PIK3AP1: variants seen among roughly 807,000 people sequenced by gnomAD.
PIK3AP1 encodes phosphoinositide-3-kinase adaptor protein 1.
In PIK3AP1, 21 loss-of-function variants were observed where a neutral mutation model predicts 88.1. The observed-to-expected ratio is 0.24, with a 90% CI of 0.17 to 0.34. The LOEUF is 0.34. Among genes scored for constraint, PIK3AP1 ranks in the 10% least tolerant of loss-of-function variants. The pLI is 1.00. For synonymous variants in PIK3AP1, 398 were observed against 400.0 expected (o/e 1.00, Z 0.06); for missense variants, 828 against 1,035.7 (o/e 0.80, Z 2.75).
intron 11 of PIK3AP1, among the ~76,000 whole-genome samples, 175 bp downstream of exon 11, chr10:96,623,297 G>A (rs547324655): frequency 4.6e-5 from 7 of 152,052 alleles, no homozygotes; most frequent in East Asian, 1.9e-4. Flanking sequence ...TCCTGGCCTC[G>A]AGTGATTCAC....
chr10:96,617,771 C>T (rs1287697510), intron 12 of PIK3AP1, among the ~76,000 whole-genome samples: 1 of 152,160 alleles, frequency 6.6e-6, no homozygotes, highest in Non-Finnish European at 1.5e-5. Flanking sequence ...GAGGTCTGAT[C>T]TCCCTCTCCT....
chr10:96,625,120 A>G lies in PIK3AP1; in HGVS notation c.1670-1583T>C, dbSNP rs566977559. On this transcript the variant is annotated intron_variant, in intron 10 of 16. Coordinates refer to ENST00000339364, the MANE Select transcript of PIK3AP1 (RefSeq NM_152309.3). ...GGCAACCTAGGAATGACTAGAACAC[A>G]ATGTAGAATGCGCAACTAAGAATTC... 2.6e-5 allele frequency among the ~76,000 whole-genome samples: 4 copies of G among 152,344 alleles called. No individual in the cohort carries two copies. The East Asian group carries it at 7.7e-4, about 29-fold the overall frequency.
At chr10:96,684,705 G>GTACCTTCCAAATGGT (rs1397392363) in intron 2 of PIK3AP1, among the ~76,000 whole-genome samples, 2 of 152,280 alleles carry the variant, frequency 1.3e-5, no homozygotes, top group East Asian at 3.9e-4. Context: ...GACAGAATGG[G>GTACCTTCCAAATGGT]TACCTTCCAA....
chr10:96,686,450 C>G (rs537510574), intron 2 of PIK3AP1, among the ~76,000 whole-genome samples: 92 of 152,164 alleles, frequency 6.0e-4, no homozygotes, highest in African/African-American at 2.1e-3. Flanking sequence ...GTGGATGTAC[C>G]GCAAATGAGC....
At chr10:96,682,013 TAGAGAGAGAG>T (rs55857679) in intron 2 of PIK3AP1, among the ~76,000 whole-genome samples, 1 of 108,500 alleles carries the variant, frequency 9.2e-6, no homozygotes, top group Non-Finnish European at 2.0e-5. Context: ...TATATATATA[TAGAGAGAGAG>T]AGAGAGAGAG....
intron 2 of PIK3AP1, among the ~76,000 whole-genome samples, chr10:96,675,727 A>G (rs60587855): frequency 0.12 from 17,866 of 152,188 alleles, 1,806 homozygotes; most frequent in African/African-American, 0.25. Flanking sequence ...CCTACCTCTC[A>G]GGACTGTTAT....
Position 96,657,838 on chromosome 10 carries a change from C to T in PIK3AP1, c.431-904G>A, listed in dbSNP as rs573800971. On this transcript the variant is annotated intron_variant, in intron 2 of 16. Coordinates refer to ENST00000339364, the MANE Select transcript of PIK3AP1 (RefSeq NM_152309.3). The stretch of plus-strand genomic sequence containing the variant: ...CAGCACTTTGGGAGGCCAAGGAAGG[C>T]GGATCACCTGAGGTCAGGAGTTTGA... 1.3e-3 allele frequency among the ~76,000 whole-genome samples: 205 copies of T among 152,066 alleles called. 1 individual carries two copies. Among genetic ancestry groups the T allele is most frequent in the Admixed American group, 4.3e-3 (65 of 15,286 alleles).
In PIK3AP1 at chr10:96,628,279, A is replaced by T. The variant is rs6584090; in HGVS notation, c.1471+119T>A. On this transcript the variant is annotated intron_variant, in intron 9 of 16. Transcript: ENST00000339364. ...GGCAGAGTGCCTTTATTCACATCAC[A>T]TGCCATGTATGCAGCAGCCCATTCC... 5.4e-3 allele frequency: 4,671 copies of T among 870,502 alleles called. 119 individuals are homozygous for T. In the African/African-American group the frequency reaches 0.06, roughly 11 times the overall value. The allele number at this position is 870,502 out of a possible 1,614,324, so 53.9% of individuals were successfully genotyped here.
chr10:96,622,127 G>T (rs1033753362), intron 11 of PIK3AP1, among the ~76,000 whole-genome samples: 1 of 152,232 alleles, frequency 6.6e-6, no homozygotes, highest in African/African-American at 2.4e-5. Context: ...AATGCCCCAG[G>T]AGACTGGAAC....
In PIK3AP1 at chr10:96,709,687, C is replaced by G; in HGVS notation, c.310G>C (p.Gly104Arg). Reference protein sequence around the residue: ...PPHRVVRLLCGVRDSEEFLDF... With the variant: ...PPHRVVRLLCRVRDSEEFLDF... The stretch of plus-strand genomic sequence containing the variant: ...AGGAACTCCTCGCTGTCCCGCACGC[C>G]GCAGAGCAGCCTGACCACGCGGTGC... The change falls in exon 2 of 17, where the codon GGC (glycine) becomes CGC (arginine). Residue 104 changes from glycine (G) to arginine (R), a missense_variant. Transcript: ENST00000339364. 6.2e-7 allele frequency: 1 copy of G among 1,614,244 alleles called. No homozygotes were observed. Among genetic ancestry groups the G allele is most frequent in the Non-Finnish European group, 8.5e-7 (1 of 1,180,048 alleles).
chr10:96,632,358 AGAACTCT>A (rs1022839346), intron 8 of PIK3AP1, among the ~76,000 whole-genome samples: 3 of 152,194 alleles, frequency 2.0e-5, no homozygotes. Flanking sequence ...AAGGTATGTA[AGAACTCT>A]GATGTTTTTG....
chr10:96,638,471 GACACAC>G (rs60796576), intron 8 of PIK3AP1, among the ~76,000 whole-genome samples: 24 of 148,228 alleles, frequency 1.6e-4, no homozygotes, highest in East Asian at 5.9e-4. Flanking sequence ...CACACACACA[GACACAC>G]ACACACACAC....
chr10:96,714,172 C>T (rs940582187), intron 1 of PIK3AP1, among the ~76,000 whole-genome samples: 2 of 149,022 alleles, frequency 1.3e-5, no homozygotes, highest in Non-Finnish European at 3.0e-5. Context: ...GAAACTCCGT[C>T]TCAAAAAAAA....
At chr10:96,628,297 C>G in intron 9 of PIK3AP1, 101 bp downstream of exon 9, 1 of 992,894 alleles carries the variant, frequency 1.0e-6, no homozygotes, top group Non-Finnish European at 1.6e-6. Flanking sequence ...TATGCAGCAG[C>G]CCATTCCTTG....
intron 2 of PIK3AP1, among the ~76,000 whole-genome samples, chr10:96,672,395 CA>C (rs1270174882): frequency 6.6e-6 from 1 of 152,184 alleles, no homozygotes. Context: ...CTTCATTCAT[CA>C]GGTAATTCAC....
At chr10:96,718,618 T>G (rs1844533184) in intron 1 of PIK3AP1, among the ~76,000 whole-genome samples, 1 of 152,218 alleles carries the variant, frequency 6.6e-6, no homozygotes, top group South Asian at 2.1e-4. Context: ...CCCACCGGAC[T>G]AGGGTCCCCC....
At chr10:96,673,446 T>C (rs1384177749) in intron 2 of PIK3AP1, among the ~76,000 whole-genome samples, 1 of 152,160 alleles carries the variant, frequency 6.6e-6, no homozygotes, top group Non-Finnish European at 1.5e-5. Flanking sequence ...CAGGCCCCTG[T>C]TTCCTCGTTC....
intron 8 of PIK3AP1, among the ~76,000 whole-genome samples, chr10:96,634,590 C>G (rs1278981077): frequency 2.0e-5 from 3 of 152,164 alleles, no homozygotes; most frequent in Admixed American, 6.5e-5. Context: ...GGATAAGTAA[C>G]AGTACCTACC....
chr10:96,607,316 A>G (rs960755813), intron 14 of PIK3AP1, among the ~76,000 whole-genome samples: 1 of 152,182 alleles, frequency 6.6e-6, no homozygotes, highest in African/African-American at 2.4e-5. Flanking sequence ...GACTTGGGGC[A>G]AGTTGCCTAC....
Sources: gnomAD v4.1 joint callset for allele counts (sites outside exome capture counted in the v4.1 genomes callset) on GRCh38, gnomAD v4.1.1 for gene constraint, MANE v1.5 for transcripts, NCBI Gene and HGNC (gene_info 2026-07-23, HGNC 2026-07-21) for gene names.